The following TRPS1 variants were observed in gnomAD, a reference collection of about 807,000 sequenced individuals.
TRPS1 encodes the protein transcriptional repressor GATA binding 1.
TRPS1 carries 6 observed loss-of-function variants against 101.2 expected under a neutral mutation model. That is an observed-to-expected ratio of 0.06 (90% CI 0.03 to 0.12). The LOEUF is 0.12. TRPS1 is among the 10% of genes least tolerant of loss of function. The pLI is 1.00. For synonymous variants in TRPS1, 578 were observed against 589.8 expected (o/e 0.98, Z 0.29); for missense variants, 1,363 against 1,567.0 (o/e 0.87, Z 2.20).
chr8:115,647,732 T>C (rs1481039701), intron 1 of TRPS1, among the ~76,000 whole-genome samples: 2 of 152,310 alleles, frequency 1.3e-5, no homozygotes, highest in African/African-American at 4.8e-5. Context: ...TAATAAAATC[T>C]AGTACTTTAT....
chr8:115,616,670 A>G (rs1818283252), intron 3 of TRPS1, among the ~76,000 whole-genome samples: 2 of 152,190 alleles, frequency 1.3e-5, no homozygotes, highest in Non-Finnish European at 2.9e-5. Flanking sequence ...ATGGACTTAT[A>G]TATAATTCCT....
At chr8:115,572,305 T>C (rs1817222189) in intron 5 of TRPS1, among the ~76,000 whole-genome samples, 1 of 152,154 alleles carries the variant, frequency 6.6e-6, no homozygotes, top group Non-Finnish European at 1.5e-5. Flanking sequence ...TTAGATTCTC[T>C]GTAGGCTAGT....
intron 5 of TRPS1, among the ~76,000 whole-genome samples, chr8:115,498,604 G>T (rs1815226595): frequency 6.6e-6 from 1 of 151,574 alleles, no homozygotes; most frequent in Non-Finnish European, 1.5e-5. Flanking sequence ...ATGTAATGTA[G>T]TAGAAGCCAT....
At chr8:115,603,711 T>C (rs560559724) in intron 4 of TRPS1, among the ~76,000 whole-genome samples, 162 bp downstream of exon 4, 2 of 152,350 alleles carry the variant, frequency 1.3e-5, no homozygotes, top group African/African-American at 2.4e-5. Flanking sequence ...GCTGTAACTA[T>C]ATCACCTGCA....
chr8:115,607,052 C>G (rs1421581267), intron 3 of TRPS1, among the ~76,000 whole-genome samples: 6 of 152,068 alleles, frequency 3.9e-5, no homozygotes, highest in Middle Eastern at 6.3e-3. Flanking sequence ...TGCTTGTTGA[C>G]CCAAGATTCC....
chr8:115,543,883 G>A (rs1427643062), intron 5 of TRPS1, among the ~76,000 whole-genome samples: 5 of 151,900 alleles, frequency 3.3e-5, no homozygotes, highest in African/African-American at 7.3e-5. Flanking sequence ...TCTACAACAC[G>A]TTCGATGCTC....
Position 115,557,132 on chromosome 8 carries a change from G to C in TRPS1, c.2700+29869C>G, listed in dbSNP as rs1013225721. ...GAAACCCCTCTTTTTAAAACCACCT[G>C]ATCTCGTGAGACTTACTCACTATCA... On this transcript the variant is annotated intron_variant, in intron 5 of 6. Transcript: ENST00000395715. Among the ~76,000 whole-genome samples the C allele has an allele frequency of 3.9e-5, 6 of 152,048 alleles. No homozygotes were observed. The South Asian group carries it at 1.0e-3, about 26-fold the overall frequency.
intron 5 of TRPS1, among the ~76,000 whole-genome samples, chr8:115,540,328 A>G (rs1281850036): frequency 6.6e-6 from 1 of 152,202 alleles, no homozygotes; most frequent in Non-Finnish European, 1.5e-5. Flanking sequence ...AAGATCAGCA[A>G]TATTGTAACA....
chr8:115,649,375 T>C (rs1811508398), intron 1 of TRPS1, among the ~76,000 whole-genome samples: 1 of 152,194 alleles, frequency 6.6e-6, no homozygotes, highest in Non-Finnish European at 1.5e-5. Context: ...CCTCAGCTCT[T>C]AGGGCCAGGC....
chr8:115,650,284 C>T (rs938402224), intron 1 of TRPS1, among the ~76,000 whole-genome samples: 2 of 152,162 alleles, frequency 1.3e-5, no homozygotes, highest in Admixed American at 6.5e-5. Context: ...CATAAGGTGA[C>T]ATCAGAAAAG....
intron 5 of TRPS1, among the ~76,000 whole-genome samples, chr8:115,501,791 A>C (rs1815326134): frequency 6.6e-6 from 1 of 152,072 alleles, no homozygotes; most frequent in African/African-American, 2.4e-5. Context: ...TTGACCTCCT[A>C]AATTTCTATG....
intron 5 of TRPS1, among the ~76,000 whole-genome samples, chr8:115,572,316 G>A (rs1249959722): frequency 1.3e-5 from 2 of 152,092 alleles, no homozygotes; most frequent in Non-Finnish European, 2.9e-5. Flanking sequence ...GTAGGCTAGT[G>A]TACTATGTTT....
At chr8:115,544,720 G>A (rs186432589) in intron 5 of TRPS1, among the ~76,000 whole-genome samples, 5 of 152,148 alleles carry the variant, frequency 3.3e-5, no homozygotes, top group African/African-American at 7.2e-5. Context: ...ATTTGCATTC[G>A]TTAACACCCT....
Position 115,410,795 on chromosome 8 carries a change from T to G in TRPS1, c.*3228A>C, listed in dbSNP as rs907028310. 6.6e-6 allele frequency: 1 copy of G among 152,078 alleles called. No homozygotes were observed. The highest frequency in any genetic ancestry group is 2.1e-4 in the South Asian group (1 of 4,834). The allele number at this position is 152,078 out of a possible 1,614,324, so 9.4% of individuals were successfully genotyped here. On this transcript the variant is annotated 3_prime_UTR_variant, in exon 7 of 7. Transcript: ENST00000395715. ...ATAGACAAATAATTTTAAAATATTTTCAGTTTTTAAATGGCACACAATTTT... is the reference window on the plus strand; with the variant it reads ...ATAGACAAATAATTTTAAAATATTTGCAGTTTTTAAATGGCACACAATTTT...
intron 5 of TRPS1, among the ~76,000 whole-genome samples, chr8:115,497,909 A>G (rs1296986588): frequency 2.2e-5 from 3 of 139,068 alleles, no homozygotes; most frequent in African/African-American, 8.2e-5. Context: ...GCATCCAAAA[A>G]GGAGAGGAGT....
intron 5 of TRPS1, among the ~76,000 whole-genome samples, chr8:115,568,675 A>T (rs1287159027): frequency 6.6e-6 from 1 of 152,168 alleles, no homozygotes; most frequent in Non-Finnish European, 1.5e-5. Context: ...TATAATTAAC[A>T]GGATCAAAAT....
Position 115,525,413 on chromosome 8 carries a change from C to T in TRPS1, c.2700+61588G>A, listed in dbSNP as rs538153023. Reference sequence around the variant, plus strand: ...TCTATCAGGCTCACTCAGCGTTCCACATGGTGTTGTGGAACGTTCATAAGT... The same window carrying T: ...TCTATCAGGCTCACTCAGCGTTCCATATGGTGTTGTGGAACGTTCATAAGT... On this transcript the variant is annotated intron_variant, in intron 5 of 6. Coordinates refer to ENST00000395715, the MANE Select transcript of TRPS1 (RefSeq NM_014112.5). Among the ~76,000 whole-genome samples the T allele has an allele frequency of 5.9e-5, 9 of 152,226 alleles. No individual in the cohort carries two copies. The South Asian group carries it at 6.2e-4, about 11-fold the overall frequency.
At chr8:115,602,165 G>A (rs145294153) in intron 4 of TRPS1, among the ~76,000 whole-genome samples, 1 of 152,076 alleles carries the variant, frequency 6.6e-6, no homozygotes, top group East Asian at 1.9e-4. Context: ...GTGTGTGTGC[G>A]CACATACGTG....
chr8:115,498,535 A>G (rs1294274552), intron 5 of TRPS1, among the ~76,000 whole-genome samples: 3 of 150,480 alleles, frequency 2.0e-5, no homozygotes, highest in East Asian at 3.9e-4. Context: ...TTAATCTTGG[A>G]GAGTAACTTC....
Sources: allele counts gnomAD v4.1 joint callset (sites outside exome capture counted in the v4.1 genomes callset), GRCh38; gene constraint gnomAD v4.1.1; transcripts MANE v1.5; gene names NCBI Gene and HGNC (gene_info 2026-07-23, HGNC 2026-07-21).